Variants in LOC400499 observed in about 807,000 individuals in gnomAD.
the LOC400499 span, chr16:11,450,903 A>C: frequency 1.6e-6 from 2 of 1,241,986 alleles, no homozygotes; most frequent in Non-Finnish European, 2.2e-6. Context: ...CGAGAGTCTC[A>C]TCACAGCCGC....
the LOC400499 span, among the ~76,000 whole-genome samples, chr16:11,397,671 G>A: frequency 2.5e-3 from 376 of 151,678 alleles, 2 homozygotes; most frequent in Non-Finnish European, 4.3e-3. Flanking sequence ...TTGGAACAGA[G>A]ACTGGATGGT....
At chr16:11,415,955 G>A in the LOC400499 span, among the ~76,000 whole-genome samples, 16 of 81,368 alleles carry the variant, frequency 2.0e-4, no homozygotes, top group African/African-American at 1.2e-3. Context: ...TGCTGTTGTT[G>A]TTTTGTTTTT....
chr16:11,472,097 G>C, the LOC400499 span: 2 of 335,538 alleles, frequency 6.0e-6, no homozygotes, highest in Non-Finnish European at 1.1e-5. Flanking sequence ...CTAGATGCCA[G>C]TAACCCCTAC....
At chr16:11,503,670 C>A in the LOC400499 span, among the ~76,000 whole-genome samples, 3 of 152,352 alleles carry the variant, frequency 2.0e-5, no homozygotes, top group African/African-American at 7.2e-5. Flanking sequence ...CAAAACAGGC[C>A]CTCACTGGTC....
chr16:11,466,469 C>T, the LOC400499 span, among the ~76,000 whole-genome samples: 1 of 151,950 alleles, frequency 6.6e-6, no homozygotes, highest in Admixed American at 6.6e-5. Flanking sequence ...TTCACTGCAA[C>T]CTCCACCCCA....
At chr16:11,447,049 G>A in the LOC400499 span, 1 of 1,029,446 alleles carries the variant, frequency 9.7e-7, no homozygotes, top group Non-Finnish European at 1.4e-6. Context: ...GAGAACATCA[G>A]GACACCTGGC....
At chr16:11,491,518 G>A in the LOC400499 span, among the ~76,000 whole-genome samples, 1 of 152,150 alleles carries the variant, frequency 6.6e-6, no homozygotes, top group South Asian at 2.1e-4. Flanking sequence ...GCCATGTGGG[G>A]GAGGGGAGAA....
the LOC400499 span, chr16:11,402,409 G>A: frequency 5.4e-6 from 2 of 371,898 alleles, no homozygotes; most frequent in Admixed American, 4.6e-5. Flanking sequence ...GCTCCTCCAA[G>A]AGGTGGCGTC....
At chr16:11,434,316 G>A in the LOC400499 span, among the ~76,000 whole-genome samples, 1 of 152,196 alleles carries the variant, frequency 6.6e-6, no homozygotes, top group African/African-American at 2.4e-5. Context: ...CAGGCCAGGA[G>A]TTCAAGACCA....
the LOC400499 span, among the ~76,000 whole-genome samples, chr16:11,478,172 C>T: frequency 2.0e-5 from 3 of 150,280 alleles, no homozygotes; most frequent in Non-Finnish European, 3.0e-5. Context: ...GGACTACAGA[C>T]GCCTGCCACC....
the LOC400499 span, among the ~76,000 whole-genome samples, chr16:11,499,818 G>A: frequency 0.66 from 99,592 of 151,936 alleles, 32,767 homozygotes; most frequent in Admixed American, 0.74. Context: ...GGAGTGACAG[G>A]TGACACCCCC....
chr16:11,459,006 C>T, the LOC400499 span, among the ~76,000 whole-genome samples: 7 of 151,508 alleles, frequency 4.6e-5, no homozygotes, highest in African/African-American at 1.7e-4. Flanking sequence ...CATTGCACTC[C>T]AGCCTGGGCG....
chr16:11,372,940 C>T, the LOC400499 span, among the ~76,000 whole-genome samples: 1 of 152,252 alleles, frequency 6.6e-6, no homozygotes, highest in African/African-American at 2.4e-5. Flanking sequence ...GCTGCAGGGC[C>T]TTTGCAGGCA....
At chr16:11,515,753 G>GGAGGAGGAGGAAAAGGGAA in the LOC400499 span, among the ~76,000 whole-genome samples, 1 of 150,330 alleles carries the variant, frequency 6.7e-6, no homozygotes, top group Non-Finnish European at 1.5e-5. Flanking sequence ...GGAAAAGGGA[G>GGAGGAGGAGGAAAAGGGAA]GAGGAGGAGA....
the LOC400499 span, among the ~76,000 whole-genome samples, chr16:11,447,085 C>A: frequency 6.6e-6 from 1 of 152,186 alleles, no homozygotes; most frequent in Non-Finnish European, 1.5e-5. Flanking sequence ...AATGTGGCAT[C>A]CAGAACCCTT....
the LOC400499 span, chr16:11,414,473 C>T: frequency 2.6e-4 from 105 of 400,184 alleles, no homozygotes; most frequent in Middle Eastern, 4.4e-3. Flanking sequence ...CCACTGTCCC[C>T]ACCATGGAGG....
At chr16:11,383,757 C>T in the LOC400499 span, 8 of 1,232,344 alleles carry the variant, frequency 6.5e-6, no homozygotes, top group Middle Eastern at 3.1e-4. Context: ...CCTGCACACA[C>T]AGGCTGAGGA....
the LOC400499 span, among the ~76,000 whole-genome samples, chr16:11,379,221 C>T: frequency 6.6e-6 from 1 of 152,190 alleles, no homozygotes; most frequent in Admixed American, 6.5e-5. Context: ...GCACTCCAGC[C>T]TGGGCAACAG....
chr16:11,416,900 G>C, the LOC400499 span, among the ~76,000 whole-genome samples: 1 of 152,136 alleles, frequency 6.6e-6, no homozygotes, highest in African/African-American at 2.4e-5. Context: ...TGGGGGAAGG[G>C]TGTGGATTCT....
Sources: allele counts gnomAD v4.1 joint callset (sites outside exome capture counted in the v4.1 genomes callset), GRCh38; gene constraint gnomAD v4.1.1; transcripts MANE v1.5.